DDC: variants seen among roughly 807,000 people sequenced by gnomAD.
DDC encodes aromatic-L-amino-acid decarboxylase.
Under a neutral mutation model 60.0 loss-of-function variants are expected in DDC, and 43 were observed. The ratio of observed to expected loss-of-function variants is 0.72; its 90% CI spans 0.56 to 0.92. DDC has a LOEUF of 0.92. Ranked by LOEUF, DDC falls within the 40% of genes least tolerant of loss-of-function variation. The pLI is 0.00. For missense variants in DDC, 573 were observed against 620.2 expected (o/e 0.92, Z 0.81); for synonymous variants, 232 against 234.6 (o/e 0.99, Z 0.10).
At chr7:50,548,675 G>A (rs2153551885) in intron 1 of DDC, among the ~76,000 whole-genome samples, 1 of 152,308 alleles carries the variant, frequency 6.6e-6, no homozygotes, top group East Asian at 1.9e-4. Context: ...AGAAGTGCAA[G>A]GTGAAACAGC....
chr7:50,505,579 T>G (rs746719339), intron 6 of DDC, among the ~76,000 whole-genome samples: 1 of 152,192 alleles, frequency 6.6e-6, no homozygotes, highest in Non-Finnish European at 1.5e-5. Flanking sequence ...GAAACCAACT[T>G]TTCCTTTTAG....
chr7:50,520,339 G>A (rs1224881996), intron 6 of DDC, among the ~76,000 whole-genome samples: 2 of 152,130 alleles, frequency 1.3e-5, no homozygotes, highest in Non-Finnish European at 2.9e-5. Context: ...CTCTCAGACT[G>A]CATTGGAATT....
intron 1 of DDC, among the ~76,000 whole-genome samples, chr7:50,557,464 T>C (rs958952905): frequency 4.6e-5 from 7 of 152,268 alleles, no homozygotes; most frequent in African/African-American, 1.7e-4. Context: ...TATTCCATTT[T>C]AGTCCTGACC....
chr7:50,467,824 G>C (rs1174535721), intron 12 of DDC, among the ~76,000 whole-genome samples: 2 of 152,212 alleles, frequency 1.3e-5, no homozygotes, highest in Non-Finnish European at 2.9e-5. Flanking sequence ...GCTGAGCTAG[G>C]ATTCTAAGGC....
intron 9 of DDC, among the ~76,000 whole-genome samples, chr7:50,490,505 C>T (rs904955080): frequency 6.6e-6 from 1 of 152,120 alleles, no homozygotes; most frequent in Non-Finnish European, 1.5e-5. Context: ...TCCATCTCTA[C>T]TAAAAATACA....
At chr7:50,499,567 C>T (rs1247942300) in intron 7 of DDC, among the ~76,000 whole-genome samples, 2 of 152,182 alleles carry the variant, frequency 1.3e-5, no homozygotes, top group Admixed American at 6.5e-5. Flanking sequence ...TCTCCAGTGA[C>T]ACCACCCTTT....
intron 13 of DDC, among the ~76,000 whole-genome samples, chr7:50,466,374 A>C (rs1251437016): frequency 6.6e-6 from 1 of 151,592 alleles, no homozygotes; most frequent in Non-Finnish European, 1.5e-5. Context: ...AATCCCAGCT[A>C]CTCAAAAGGC....
chr7:50,548,085 AC>A (rs1366540040), intron 1 of DDC, among the ~76,000 whole-genome samples: 8 of 152,210 alleles, frequency 5.3e-5, no homozygotes, highest in Non-Finnish European at 1.2e-4. Flanking sequence ...GACAGCATGG[AC>A]CACACCCACA....
chr7:50,498,766 G>C lies in DDC; in HGVS notation c.876+382C>G, dbSNP rs1212851069. ...AGTGAATATCATGTTCAGATGTATG[G>C]GCAGAACATGACTGTCATATTGAAC... On this transcript the variant is annotated intron_variant, in intron 8 of 14. Transcript: ENST00000444124. Among the ~76,000 whole-genome samples the C allele has an allele frequency of 2.6e-5, 4 of 152,184 alleles. No individual in the cohort carries two copies. The East Asian group carries it at 7.7e-4, about 29-fold the overall frequency.
chr7:50,477,691 C>T (rs1349461088), intron 10 of DDC: 3 of 345,488 alleles, frequency 8.7e-6, no homozygotes, highest in Non-Finnish European at 1.7e-5. Context: ...AGACCTCCAC[C>T]CCCTGTTTTA....
intron 6 of DDC, among the ~76,000 whole-genome samples, chr7:50,513,767 A>G (rs866064316): frequency 6.6e-6 from 1 of 151,140 alleles, no homozygotes; most frequent in Non-Finnish European, 1.5e-5. Context: ...TAGGTACACA[A>G]CTCCAGTGAC....
intron 9 of DDC, chr7:50,493,104 T>A: frequency 1.1e-6 from 1 of 947,454 alleles, no homozygotes; most frequent in South Asian, 1.4e-5. Flanking sequence ...CCCTGACCGC[T>A]TCAGTTTCCT....
At chr7:50,495,675 G>T (rs553075109) in intron 8 of DDC, among the ~76,000 whole-genome samples, 1 of 152,062 alleles carries the variant, frequency 6.6e-6, no homozygotes, top group African/African-American at 2.4e-5. Context: ...TGTATGTTTT[G>T]CTATATCTAG....
intron 1 of DDC, among the ~76,000 whole-genome samples, chr7:50,559,430 T>TTG (rs1329793253): frequency 8.0e-6 from 1 of 125,486 alleles, no homozygotes; most frequent in Non-Finnish European, 1.6e-5. Context: ...GAACATTTCT[T>TTG]TTTTTTTTTT....
rs574010759 is a variant in DDC at position 50,479,994 on chromosome 7, G to A, written c.945-131C>T. Reference sequence around the variant, plus strand: ...GCCCTGAACACCACTCTGCCTGCACGGCCCTGTCTCTGCTCCAAGTACCTG... The same window carrying A: ...GCCCTGAACACCACTCTGCCTGCACAGCCCTGTCTCTGCTCCAAGTACCTG... On this transcript the variant is annotated intron_variant, in intron 9 of 14. Coordinates refer to ENST00000444124, the MANE Select transcript of DDC (RefSeq NM_001082971.2). The A allele has an allele frequency of 4.7e-5, 34 of 722,556 alleles. 1 individual carries two copies. The South Asian group carries it at 4.8e-4, about 10-fold the overall frequency. The allele number at this position is 722,556 out of a possible 1,614,324, so 44.8% of individuals were successfully genotyped here.
intron 6 of DDC, 104 bp from the exon 7 acceptor site, chr7:50,504,163 G>C (rs1421888619): frequency 1.3e-6 from 1 of 798,656 alleles, no homozygotes; most frequent in Non-Finnish European, 2.2e-6. Context: ...GGGGCCATGA[G>C]CCGAGATCCC....
At chr7:50,477,457 C>T (rs1019841989) in intron 10 of DDC, 10 of 447,696 alleles carry the variant, frequency 2.2e-5, no homozygotes, top group South Asian at 4.8e-5. Flanking sequence ...CCCCTACTTC[C>T]GCAGTCAACA....
chr7:50,482,622 C>T (rs1196630017), intron 9 of DDC, among the ~76,000 whole-genome samples: 1 of 152,034 alleles, frequency 6.6e-6, no homozygotes, highest in East Asian at 1.9e-4. Context: ...AAATATTATG[C>T]CAGGATATTT....
intron 9 of DDC, among the ~76,000 whole-genome samples, chr7:50,480,426 C>CT: frequency 6.6e-6 from 1 of 152,172 alleles, no homozygotes; most frequent in Non-Finnish European, 1.5e-5. Flanking sequence ...AAGTAAAATG[C>CT]TTTTTTGAAT....
Sources: gnomAD v4.1 joint callset for allele counts (sites outside exome capture counted in the v4.1 genomes callset) on GRCh38, gnomAD v4.1.1 for gene constraint, MANE v1.5 for transcripts, NCBI Gene and HGNC (gene_info 2026-07-23, HGNC 2026-07-21) for gene names.